The following IL1R1 variants were observed in gnomAD, a reference collection of about 807,000 sequenced individuals.
IL1R1 encodes interleukin 1 receptor type 1, also known as interleukin-1 receptor type 1.
In IL1R1, 22 loss-of-function variants were observed where a neutral mutation model predicts 50.2. The ratio of observed to expected loss-of-function variants is 0.44; its 90% confidence interval spans 0.31 to 0.63. The LOEUF is 0.63. Among genes scored for constraint, IL1R1 ranks in the 20% least tolerant of loss-of-function variants. The probability of loss-of-function intolerance (pLI) is 0.07; values close to 1 mark genes in which losing one functional copy is unlikely to be tolerated. For synonymous variants in IL1R1, 251 were observed against 236.7 expected (o/e 1.06, Z -0.55); for missense variants, 509 against 676.2 (o/e 0.75, Z 2.74).
intron 1 of IL1R1, among the ~76,000 whole-genome samples, chr2:102,086,283 C>T (rs1005721958): frequency 2.0e-5 from 3 of 152,066 alleles, no homozygotes; most frequent in African/African-American, 2.4e-5. Context: ...TTTTGGCCTC[C>T]GTACTTTCTC....
chr2:102,145,850 T>C (rs1326785529), intron 1 of IL1R1, among the ~76,000 whole-genome samples: 1 of 152,208 alleles, frequency 6.6e-6, no homozygotes, highest in African/African-American at 2.4e-5. Context: ...ACGGGTATTT[T>C]CAAAGCCCCC....
chr2:102,110,201 A>C (rs12712127), intron 1 of IL1R1, among the ~76,000 whole-genome samples: 1 of 151,840 alleles, frequency 6.6e-6, no homozygotes, highest in Non-Finnish European at 1.5e-5. Context: ...GCACCATTCT[A>C]TACCTTGATC....
chr2:102,165,262 T>A lies in IL1R1; in HGVS notation c.444T>A (p.Phe148Leu). The A allele has an allele frequency of 1.3e-6, 2 of 1,583,846 alleles. No individual in the cohort carries two copies. The highest frequency in any genetic ancestry group is 1.7e-6 in the Non-Finnish European group (2 of 1,171,400). The change falls in exon 5 of 12, where the codon TTT becomes TTA. Residue 148 changes from phenylalanine to leucine, a missense_variant. Phe to Leu is a conservative substitution (Grantham distance 22, BLOSUM62 0). Coordinates refer to ENST00000410023, the MANE Select transcript of IL1R1 (RefSeq NM_000877.4). ...GGLVCPYMEF[F>L]KNENNELPKL... ...TTGTGTGCCCTTATATGGAGTTTTT[T>A]AAAAATGAAAATAATGAGTTACCTA...
upstream of IL1R1, chr2:102,141,754 C>G (rs1682660099): frequency 6.6e-6 from 1 of 152,196 alleles, no homozygotes; most frequent in Admixed American, 6.5e-5. Context: ...AGGAAGCTAT[C>G]ATCATTTATT....
At chr2:102,160,971 T>C (rs1684670201) in intron 3 of IL1R1, among the ~76,000 whole-genome samples, 1 of 152,126 alleles carries the variant, frequency 6.6e-6, no homozygotes, top group African/African-American at 2.4e-5. Flanking sequence ...AGGCATAGAA[T>C]CTCTGCTTGC....
At chr2:102,082,659 A>G (rs1320791188) in intron 1 of IL1R1, among the ~76,000 whole-genome samples, 1 of 152,162 alleles carries the variant, frequency 6.6e-6, no homozygotes, top group African/African-American at 2.4e-5. Flanking sequence ...CCCTGGAGAC[A>G]GAGAGTCTTA....
At chr2:102,162,862 C>A (rs905877813) in intron 3 of IL1R1, among the ~76,000 whole-genome samples, 3 of 151,880 alleles carry the variant, frequency 2.0e-5, no homozygotes, top group Non-Finnish European at 4.4e-5. Flanking sequence ...GCTATTCATT[C>A]TTTTGCGTAG....
intron 1 of IL1R1, among the ~76,000 whole-genome samples, chr2:102,134,738 A>G (rs1222871513): frequency 6.6e-6 from 1 of 152,186 alleles, no homozygotes; most frequent in East Asian, 1.9e-4. Flanking sequence ...TACTTTCTCA[A>G]TCACCATGTT....
chr2:102,088,010 T>G (rs1416651750), intron 1 of IL1R1, among the ~76,000 whole-genome samples: 1 of 152,208 alleles, frequency 6.6e-6, no homozygotes, highest in Non-Finnish European at 1.5e-5. Context: ...TTAATTCTAG[T>G]TCTCTTGCTA....
At chr2:102,163,978 A>G (rs1051788232) in intron 3 of IL1R1, among the ~76,000 whole-genome samples, 4 of 152,094 alleles carry the variant, frequency 2.6e-5, no homozygotes, top group Non-Finnish European at 5.9e-5. Flanking sequence ...CCTTCTGGGT[A>G]CTCTGCCTGA....
chr2:102,075,873 C>A (rs1042103907), intron 1 of IL1R1, among the ~76,000 whole-genome samples: 1 of 152,274 alleles, frequency 6.6e-6, no homozygotes, highest in Admixed American at 6.5e-5. Flanking sequence ...AATCTATTGG[C>A]AGTGTATCAT....
intron 1 of IL1R1, among the ~76,000 whole-genome samples, chr2:102,112,732 T>C (rs973413502): frequency 6.6e-6 from 1 of 152,188 alleles, no homozygotes; most frequent in Non-Finnish European, 1.5e-5. Flanking sequence ...AATACTTTAA[T>C]AGTTTTTTTT....
intron 1 of IL1R1, among the ~76,000 whole-genome samples, chr2:102,080,149 A>C (rs1230686121): frequency 6.6e-6 from 1 of 152,168 alleles, no homozygotes; most frequent in African/African-American, 2.4e-5. Flanking sequence ...GGAAATATAA[A>C]TATAAATCTT....
intron 1 of IL1R1, among the ~76,000 whole-genome samples, chr2:102,081,360 C>T (rs192142898): frequency 4.3e-4 from 65 of 152,232 alleles, no homozygotes; most frequent in African/African-American, 1.5e-3. Flanking sequence ...GTTTGAACCA[C>T]ACCCAATGGC....
intron 1 of IL1R1, among the ~76,000 whole-genome samples, chr2:102,127,877 AC>A (rs775398046): frequency 4.6e-5 from 7 of 152,142 alleles, no homozygotes; most frequent in Non-Finnish European, 8.8e-5. Flanking sequence ...ATGAAGAGAA[AC>A]AAAACCACTT....
chr2:102,121,622 A>G (rs1191072905), intron 1 of IL1R1, among the ~76,000 whole-genome samples: 1 of 152,150 alleles, frequency 6.6e-6, no homozygotes. Flanking sequence ...TCTAGGGTTT[A>G]TGGGTCCAGT....
chr2:102,157,842 A>G, intron 3 of IL1R1, 57 bp downstream of exon 3: 3 of 1,111,776 alleles, frequency 2.7e-6, no homozygotes, highest in Non-Finnish European at 4.1e-6. Context: ...TATTTAGAAT[A>G]CATGAAGTAC....
At chr2:102,166,073 TG>T in intron 5 of IL1R1, 39 bp from the exon 6 acceptor site, 1 of 1,550,338 alleles carries the variant, frequency 6.5e-7, no homozygotes, top group Non-Finnish European at 8.8e-7. Flanking sequence ...GGAAAGTTAT[TG>T]GTTATTGGTT....
At chr2:102,108,553 C>T (rs17767183) in intron 1 of IL1R1, among the ~76,000 whole-genome samples, 41,955 of 151,752 alleles carry the variant, frequency 0.28, 7,031 homozygotes, top group Non-Finnish European at 0.36. Flanking sequence ...CAATGTTTCT[C>T]AAATGAGTCA....
Sources: allele counts gnomAD v4.1 joint callset (sites outside exome capture counted in the v4.1 genomes callset), GRCh38; gene constraint gnomAD v4.1.1; transcripts MANE v1.5; gene names NCBI Gene and HGNC (gene_info 2026-07-23, HGNC 2026-07-21).